Variants in ADAMTS18 observed in about 807,000 individuals in gnomAD.
ADAMTS18 encodes the protein ADAM metallopeptidase with thrombospondin type 1 motif 18.
A neutral mutation model predicts 165.9 loss-of-function variants in ADAMTS18; 157 were observed. The ratio of observed to expected loss-of-function variants is 0.95; its 90% CI spans 0.83 to 1.08. The LOEUF is 1.08. ADAMTS18 is among the 50% of genes least tolerant of loss of function. ADAMTS18 has a pLI of 0.00. For synonymous variants in ADAMTS18, 782 were observed against 578.2 expected (o/e 1.35, Z -5.06); for missense variants, 2,040 against 1,534.0 (o/e 1.33, Z -5.51).
At chr16:77,402,225 G>A (rs1284983400) in intron 3 of ADAMTS18, among the ~76,000 whole-genome samples, 2 of 152,142 alleles carry the variant, frequency 1.3e-5, no homozygotes, top group Non-Finnish European at 2.9e-5. Context: ...GTTATATAAT[G>A]AGATACTCAA....
chr16:77,431,144 G>C lies in ADAMTS18; in HGVS notation c.495+151C>G, dbSNP rs540573901. On this transcript the variant is annotated intron_variant, in intron 3 of 22. Transcript: ENST00000282849. Reference sequence around the variant, plus strand: ...ATTTTCTTTTTCTGGGAGCACATTAGATTAATTCAATTGAGAATATTAGAA... The same window carrying C: ...ATTTTCTTTTTCTGGGAGCACATTACATTAATTCAATTGAGAATATTAGAA... 62 of 817,470 alleles carry C rather than the reference G, an allele frequency of 7.6e-5. No individual in the cohort carries two copies. The African/African-American group carries it at 8.6e-4, about 11-fold the overall frequency. The allele number at this position is 817,470 out of a possible 1,614,324, so 50.6% of individuals were successfully genotyped here.
intron 2 of ADAMTS18, among the ~76,000 whole-genome samples, chr16:77,434,035 T>A (rs1057241543): frequency 8.5e-5 from 13 of 152,156 alleles, no homozygotes; most frequent in Admixed American, 3.3e-4. Flanking sequence ...GAGGCTCACA[T>A]TCTTTCATCT....
chr16:77,404,082 A>G (rs899105211), intron 3 of ADAMTS18, among the ~76,000 whole-genome samples: 3 of 150,614 alleles, frequency 2.0e-5, no homozygotes, highest in Non-Finnish European at 4.4e-5. Context: ...AGAGTACAAT[A>G]TGAAAATTCT....
chr16:77,372,315 T>C (rs1373633502), intron 3 of ADAMTS18, among the ~76,000 whole-genome samples: 1 of 152,208 alleles, frequency 6.6e-6, no homozygotes, highest in Non-Finnish European at 1.5e-5. Flanking sequence ...ATATCTGCAC[T>C]CCAGTGTTTA....
chr16:77,319,590 G>A (rs901506561), intron 16 of ADAMTS18, among the ~76,000 whole-genome samples: 2 of 152,042 alleles, frequency 1.3e-5, no homozygotes, highest in East Asian at 1.9e-4. Flanking sequence ...TTACAGGCGC[G>A]TGCCACCACA....
chr16:77,300,477 C>G, intron 16 of ADAMTS18, 73 bp from the exon 17 acceptor site: 1 of 1,517,802 alleles, frequency 6.6e-7, no homozygotes, highest in South Asian at 1.1e-5. Flanking sequence ...TCTTACTGAA[C>G]ATTTTAAAGA....
At chr16:77,286,646 C>G (rs1304367059) in intron 22 of ADAMTS18, among the ~76,000 whole-genome samples, 1 of 152,074 alleles carries the variant, frequency 6.6e-6, no homozygotes, top group Non-Finnish European at 1.5e-5. Flanking sequence ...ATTTTAGGGT[C>G]CTTGCTCCTT....
At chr16:77,339,709 T>C (rs925146589) in intron 11 of ADAMTS18, among the ~76,000 whole-genome samples, 2 of 152,110 alleles carry the variant, frequency 1.3e-5, no homozygotes, top group African/African-American at 4.8e-5. Flanking sequence ...CACTAATTCA[T>C]TGTTTTGTAT....
At chr16:77,408,823 T>A (rs1377047699) in intron 3 of ADAMTS18, among the ~76,000 whole-genome samples, 2 of 152,116 alleles carry the variant, frequency 1.3e-5, no homozygotes, top group African/African-American at 2.4e-5. Context: ...ATTAGCTGTA[T>A]ACAACAGTTC....
intron 3 of ADAMTS18, among the ~76,000 whole-genome samples, chr16:77,424,040 C>T (rs555307147): frequency 6.6e-6 from 1 of 152,274 alleles, no homozygotes; most frequent in Non-Finnish European, 1.5e-5. Flanking sequence ...TAAATCTTCA[C>T]AATCTTATGA....
chr16:77,308,578 G>GAAAAAAAAAAAAAAAA (rs58305642), intron 16 of ADAMTS18, among the ~76,000 whole-genome samples: 1 of 146,426 alleles, frequency 6.8e-6, no homozygotes. Context: ...AGCTAATCAT[G>GAAAAAAAAAAAAAAAA]AAAAAAAAAA....
chr16:77,369,479 T>A lies in ADAMTS18; in HGVS notation c.496-1756A>T, dbSNP rs180810541. 7.2e-5 allele frequency among the ~76,000 whole-genome samples: 11 copies of A among 152,280 alleles called. No individual in the cohort carries two copies. In the East Asian group the frequency reaches 1.9e-3, roughly 27 times the overall value. ...TTTGGATGTAGGTGGTTAACGCCAA[T>A]GAATTTGAAAACTAAGAAAGAACAG... is the stretch of plus-strand genomic sequence containing the variant. On this transcript the variant is annotated intron_variant, in intron 3 of 22. Transcript: ENST00000282849.
chr16:77,363,389 G>C (rs1228569197), intron 6 of ADAMTS18, among the ~76,000 whole-genome samples: 1 of 151,950 alleles, frequency 6.6e-6, no homozygotes, highest in Non-Finnish European at 1.5e-5. Context: ...ATATCCTTCT[G>C]CATCTACCAG....
At chr16:77,313,691 T>C (rs1489351737) in intron 16 of ADAMTS18, among the ~76,000 whole-genome samples, 1 of 152,168 alleles carries the variant, frequency 6.6e-6, no homozygotes, top group African/African-American at 2.4e-5. Flanking sequence ...TACCCCTGTT[T>C]CCCTATTCAG....
chr16:77,372,847 G>C (rs2056895902), intron 3 of ADAMTS18, among the ~76,000 whole-genome samples: 1 of 152,042 alleles, frequency 6.6e-6, no homozygotes, highest in Non-Finnish European at 1.5e-5. Context: ...CTATCCAATA[G>C]GGTTTCCCCA....
chr16:77,373,180 C>G (rs2056900401), intron 3 of ADAMTS18, among the ~76,000 whole-genome samples: 1 of 152,156 alleles, frequency 6.6e-6, no homozygotes, highest in Non-Finnish European at 1.5e-5. Flanking sequence ...AGAAGCCGTA[C>G]TCACGACCCT....
intron 16 of ADAMTS18, among the ~76,000 whole-genome samples, chr16:77,306,925 T>C (rs189742481): frequency 6.6e-6 from 1 of 152,292 alleles, no homozygotes; most frequent in Admixed American, 6.5e-5. Flanking sequence ...ACATTGCCTC[T>C]CAAGCTTTGA....
chr16:77,376,543 A>C (rs1220294716), intron 3 of ADAMTS18, among the ~76,000 whole-genome samples: 1 of 152,130 alleles, frequency 6.6e-6, no homozygotes, highest in Non-Finnish European at 1.5e-5. Flanking sequence ...GAGGGAAAGG[A>C]CTGGGTTGCG....
intron 3 of ADAMTS18, among the ~76,000 whole-genome samples, chr16:77,429,349 C>A (rs996182918): frequency 1.3e-5 from 2 of 152,116 alleles, no homozygotes; most frequent in Non-Finnish European, 2.9e-5. Flanking sequence ...AAATTCAAAT[C>A]CCACGTTCTC....
Sources: gnomAD v4.1 joint callset for allele counts (sites outside exome capture counted in the v4.1 genomes callset) on GRCh38, gnomAD v4.1.1 for gene constraint, MANE v1.5 for transcripts, NCBI Gene and HGNC (gene_info 2026-07-23, HGNC 2026-07-21) for gene names.